COL5A1: variants seen among roughly 807,000 people sequenced by gnomAD.
COL5A1 encodes the protein collagen alpha-1(V) chain.
Under a neutral mutation model 263.7 loss-of-function variants are expected in COL5A1, and 16 were observed. That is an observed-to-expected ratio of 0.06 (90% confidence interval 0.04 to 0.09). The LOEUF (loss-of-function observed/expected upper bound fraction) is 0.09. Among genes scored for constraint, COL5A1 ranks in the 10% least tolerant of loss-of-function variants. The probability of loss-of-function intolerance (pLI) is 1.00; values close to 1 mark genes in which losing one functional copy is unlikely to be tolerated. For synonymous variants in COL5A1, 1,012 were observed against 1,004.5 expected (o/e 1.01, Z -0.14); for missense variants, 2,036 against 2,540.5 (o/e 0.80, Z 4.27).
At chr9:134,665,757 T>C (rs2132504526) in intron 1 of COL5A1, among the ~76,000 whole-genome samples, 1 of 152,336 alleles carries the variant, frequency 6.6e-6, no homozygotes, top group East Asian at 1.9e-4. Flanking sequence ...GGCCTTTGGC[T>C]GAAATGACTT....
chr9:134,780,231 C>T, intron 28 of COL5A1, 85 bp downstream of exon 28: 1 of 1,311,928 alleles, frequency 7.6e-7, no homozygotes, highest in Non-Finnish European at 1.1e-6. Context: ...AATGCTTCTT[C>T]CATGAAACCA....
At chr9:134,787,574 G>C (rs556679506) in intron 31 of COL5A1, among the ~76,000 whole-genome samples, 60 of 152,312 alleles carry the variant, frequency 3.9e-4, no homozygotes, top group African/African-American at 1.3e-3. Flanking sequence ...GTGGGTGTTT[G>C]GATATTCACC....
At chr9:134,668,425 C>T (rs1407850520) in intron 1 of COL5A1, among the ~76,000 whole-genome samples, 2 of 152,012 alleles carry the variant, frequency 1.3e-5, no homozygotes, top group Non-Finnish European at 2.9e-5. Context: ...TTGGTCTTTG[C>T]GTGAGGCATT....
intron 39 of COL5A1, among the ~76,000 whole-genome samples, chr9:134,803,430 G>A (rs981528804): frequency 6.6e-6 from 1 of 152,144 alleles, no homozygotes; most frequent in Admixed American, 6.5e-5. Context: ...AGGTCAGGAA[G>A]TTGAGACCAG....
chr9:134,642,587 G>A lies in COL5A1; in HGVS notation c.109+291G>A, dbSNP rs1831333384. On this transcript the variant is annotated intron_variant, in intron 1 of 65. Coordinates refer to ENST00000371817, the MANE Select transcript of COL5A1 (RefSeq NM_000093.5). This position sits in a 1 kb window ranked among gnomAD's most constrained non-coding sequence, Gnocchi z 4.5. The stretch of plus-strand genomic sequence containing the variant: ...CAGCAGGAGGGGTTGTCCACGAGGC[G>A]GGCAAACTTTTGTCCCAAAAACCTT... Among the ~76,000 whole-genome samples the A allele has an allele frequency of 6.6e-6, 1 of 152,198 alleles. No individual in the cohort carries two copies. The highest frequency in any genetic ancestry group is 1.5e-5 in the Non-Finnish European group (1 of 68,026).
chr9:134,766,560 C>A, intron 22 of COL5A1, 62 bp downstream of exon 22: 1 of 1,540,652 alleles, frequency 6.5e-7, no homozygotes, highest in Non-Finnish European at 8.9e-7. Context: ...CACTCCTTGC[C>A]TGGCTAGGGA....
At chr9:134,814,548 C>T (rs1013705180) in intron 49 of COL5A1, among the ~76,000 whole-genome samples, 5 of 152,208 alleles carry the variant, frequency 3.3e-5, no homozygotes, top group African/African-American at 1.2e-4. Flanking sequence ...CAGTCCCTCC[C>T]ACCCAGAGCT....
At position 134,806,181 on chromosome 9, in the gene COL5A1, C is replaced by T. The variant is rs146461106; in HGVS notation, c.3259-8C>T. On this transcript the variant is annotated splice_polypyrimidine_tract_variant and splice_region_variant and intron_variant, in intron 41 of 65. Transcript: ENST00000371817. Reference sequence around the variant, plus strand: ...TTTGAAGCAGACTGTTTTCTTGCTCCACCTCAGGGATCTCCAGGGGAGAGA... The same window carrying T: ...TTTGAAGCAGACTGTTTTCTTGCTCTACCTCAGGGATCTCCAGGGGAGAGA... 2.7e-4 allele frequency: 421 copies of T among 1,546,270 alleles called. 1 individual carries two copies. The African/African-American group carries it at 5.1e-3, about 19-fold the overall frequency.
chr9:134,710,600 T>C (rs1314213925), intron 4 of COL5A1, among the ~76,000 whole-genome samples: 2 of 14,128 alleles, frequency 1.4e-4, no homozygotes, highest in Non-Finnish European at 3.0e-4. Flanking sequence ...GGGGGCCCAT[T>C]TGTTGGGTGC....
chr9:134,763,571 C>A, intron 19 of COL5A1, 122 bp from the exon 20 acceptor site: 1 of 974,030 alleles, frequency 1.0e-6, no homozygotes, highest in African/African-American at 1.6e-5. Flanking sequence ...GGTACCAGAG[C>A]TGGTAAACCT....
rs41310207 is a variant in COL5A1, at chr9:134,795,105, G to A, written c.2724G>A (p.Pro908=). Residue 908 remains proline, a synonymous_variant, in exon 33 of 66, where the codon CCG becomes CCA. Transcript: ENST00000371817. ...AGGGGACCCCTGGAAAGCCAGGACCGCGGGGGCAGCGAGGCCCAACGGTAA... is the reference window on the plus strand; with the variant it reads ...AGGGGACCCCTGGAAAGCCAGGACCACGGGGGCAGCGAGGCCCAACGGTAA... ...GGRGTPGKPG[P]RGQRGPTGPR... The A allele has an allele frequency of 0.032, 50,914 of 1,613,304 alleles. 938 individuals carry two copies. Among genetic ancestry groups the A allele is most frequent in the Non-Finnish European group, 0.037 (43,479 of 1,179,294 alleles).
rs1177555899 is a variant in COL5A1, at chr9:134,642,407, A to G, written c.109+111A>G. The G allele has an allele frequency of 1.5e-5, 3 of 200,184 alleles. No individual in the cohort carries two copies. Among genetic ancestry groups the G allele is most frequent in the African/African-American group, 7.1e-5 (3 of 42,426 alleles). The allele number at this position is 200,184 out of a possible 1,614,324, so 12.4% of individuals were successfully genotyped here. On this transcript the variant is annotated intron_variant, in intron 1 of 65. Coordinates refer to ENST00000371817, the MANE Select transcript of COL5A1 (RefSeq NM_000093.5). This position sits in a 1 kb window ranked among gnomAD's most constrained non-coding sequence, Gnocchi z 4.5. ...GAACTTTTCTTCCTTGGCCTGTGGA[A>G]TGCACGGGCCAAGACCACGAATGCC...
chr9:134,751,466 G>T (rs1835778048), intron 13 of COL5A1, among the ~76,000 whole-genome samples: 1 of 152,240 alleles, frequency 6.6e-6, no homozygotes, highest in Non-Finnish European at 1.5e-5. Flanking sequence ...TGCCTGGGCT[G>T]GAGCTGGGCT....
intron 27 of COL5A1, among the ~76,000 whole-genome samples, chr9:134,779,885 T>G (rs1837188389): frequency 1.3e-5 from 2 of 151,886 alleles, no homozygotes; most frequent in East Asian, 1.9e-4. Context: ...GGTCTTTGCA[T>G]GAAGAACAGG....
chr9:134,680,995 C>T lies in COL5A1; in HGVS notation c.110-9917C>T, dbSNP rs941047233. Among the ~76,000 whole-genome samples the T allele has an allele frequency of 7.2e-5, 11 of 152,244 alleles. No homozygotes were observed. In the South Asian group the frequency reaches 1.0e-3, roughly 14 times the overall value. ...TGCCATCCTCCCAGGATGGTGTCCT[C>T]GGCCTGTGCTGCAGCCCCAGGCCCT... On this transcript the variant is annotated intron_variant, in intron 1 of 65. Transcript: ENST00000371817. This position sits in a 1 kb window ranked among gnomAD's most constrained non-coding sequence, Gnocchi z 5.9.
At chr9:134,839,954 G>C (rs922504005) in intron 65 of COL5A1, among the ~76,000 whole-genome samples, 6 of 152,244 alleles carry the variant, frequency 3.9e-5, no homozygotes, top group African/African-American at 1.4e-4. Context: ...GGCTGAGCTG[G>C]CCACAGGGTG....
In COL5A1 at chr9:134,687,474, TCATC is replaced by T. The variant is rs1367118211; in HGVS notation, c.110-3415_110-3412del. Among the ~76,000 whole-genome samples the T allele has an allele frequency of 8.6e-5, 13 of 150,780 alleles. No individual in the cohort carries two copies. In the South Asian group the frequency reaches 1.3e-3, roughly 15 times the overall value. Reference sequence around the variant, plus strand: ...ATCCATCCATCATCCATCCATCCATTCATCCATCCATCCATCCATCCATCCACCA... The same window carrying T: ...ATCCATCCATCATCCATCCATCCATTCATCCATCCATCCATCCATCCACCA... On this transcript the variant is annotated intron_variant, in intron 1 of 65. Transcript: ENST00000371817.
intron 11 of COL5A1, among the ~76,000 whole-genome samples, chr9:134,740,756 C>T (rs545841044): frequency 6.6e-6 from 1 of 152,124 alleles, no homozygotes; most frequent in African/African-American, 2.4e-5. Flanking sequence ...TGGTGGGTGG[C>T]CCTGCCAGTG....
At chr9:134,832,385 G>C (rs1839672948) in intron 64 of COL5A1, among the ~76,000 whole-genome samples, 1 of 152,112 alleles carries the variant, frequency 6.6e-6, no homozygotes, top group African/African-American at 2.4e-5. Flanking sequence ...CATCCTGGGG[G>C]ACAGGGTGAG....
Sources: allele counts gnomAD v4.1 joint callset (sites outside exome capture counted in the v4.1 genomes callset), GRCh38; gene constraint gnomAD v4.1.1; non-coding constraint Gnocchi (gnomAD v3.1); transcripts MANE v1.5; gene names NCBI Gene and HGNC (gene_info 2026-07-23, HGNC 2026-07-21).